The following NAV2 variants were observed in gnomAD, a reference collection of about 807,000 sequenced individuals.
NAV2 encodes helicase, APC down-regulated 1.
NAV2 carries 54 observed loss-of-function variants against 223.2 expected under a neutral mutation model. That is an observed-to-expected ratio of 0.24 (90% CI 0.19 to 0.30). The LOEUF is 0.30. Ranked by LOEUF, NAV2 falls within the 10% of genes least tolerant of loss-of-function variation. NAV2 has a pLI of 1.00. For missense variants in NAV2, 2,806 were observed against 3,147.5 expected, an observed-to-expected ratio of 0.89 and a Z score of 2.60; for synonymous variants, 1,279 against 1,239.3, an observed-to-expected ratio of 1.03 and a Z score of -0.67.
intron 1 of NAV2, among the ~76,000 whole-genome samples, chr11:19,457,793 G>T (rs977267771): frequency 6.6e-6 from 1 of 152,148 alleles, no homozygotes; most frequent in African/African-American, 2.4e-5. Flanking sequence ...GGGCAGAGGG[G>T]AGAACAGAGA....
At position 19,528,769 on chromosome 11, in the gene NAV2, A is replaced by C. The variant is rs1374556281; in HGVS notation, c.75+177742A>C. The stretch of plus-strand genomic sequence containing the variant: ...ATATGGTGAAACCCTGTCTCTACTA[A>C]AAATACAGAAATTAGCCTGGTGTGA... On this transcript the variant is annotated intron_variant, in intron 1 of 37. Coordinates refer to the NAV2 transcript ENST00000360655. Among the ~76,000 whole-genome samples, 3 of 152,054 alleles carry C rather than the reference A, an allele frequency of 2.0e-5. No homozygotes were observed. The East Asian group carries it at 5.8e-4, about 29-fold the overall frequency.
At chr11:19,911,764 GAA>G (rs2043336255) in intron 6 of NAV2, among the ~76,000 whole-genome samples, 2 of 152,150 alleles carry the variant, frequency 1.3e-5, no homozygotes, top group Admixed American at 1.3e-4. Context: ...AGCAAAGGCG[GAA>G]AGACTCCAAA....
chr11:19,934,627 C>T (rs1261685045), intron 7 of NAV2, among the ~76,000 whole-genome samples: 5 of 152,018 alleles, frequency 3.3e-5, no homozygotes, highest in Admixed American at 1.3e-4. Context: ...TGGTGTCACC[C>T]GACAGTCCCC....
chr11:19,487,175 G>C (rs1487187), intron 1 of NAV2, among the ~76,000 whole-genome samples: 49,595 of 152,132 alleles, frequency 0.33, 8,768 homozygotes, highest in South Asian at 0.4. Flanking sequence ...GAAGCAGAGA[G>C]AGGATGCAGC....
At chr11:19,885,863 C>G (rs979852382) in intron 5 of NAV2, among the ~76,000 whole-genome samples, 1 of 152,120 alleles carries the variant, frequency 6.6e-6, no homozygotes, top group Non-Finnish European at 1.5e-5. Context: ...CACTTGCTAC[C>G]CCAGTGTGTT....
intron 8 of NAV2, among the ~76,000 whole-genome samples, chr11:19,943,659 T>A (rs955733577): frequency 6.6e-6 from 1 of 152,204 alleles, no homozygotes; most frequent in Non-Finnish European, 1.5e-5. Context: ...TGGTGTCTGA[T>A]GTCAATTCTA....
intron 1 of NAV2, among the ~76,000 whole-genome samples, chr11:19,457,173 AG>A (rs1483343479): frequency 2.0e-5 from 3 of 152,230 alleles, no homozygotes; most frequent in African/African-American, 7.2e-5. Flanking sequence ...GAAAAACAAT[AG>A]CAAAATTTAA....
At chr11:19,555,561 T>C (rs1005886236) in intron 1 of NAV2, among the ~76,000 whole-genome samples, 10 of 152,204 alleles carry the variant, frequency 6.6e-5, no homozygotes, top group Admixed American at 4.6e-4. Flanking sequence ...GGAGGCCTTA[T>C]TGAAGGTCAA....
intron 1 of NAV2, among the ~76,000 whole-genome samples, chr11:19,723,045 T>G (rs1834319): frequency 0.58 from 87,629 of 152,122 alleles, 27,122 homozygotes; most frequent in African/African-American, 0.82. Flanking sequence ...GAGAGGGAGA[T>G]AACACCATGG....
intron 1 of NAV2, among the ~76,000 whole-genome samples, chr11:19,686,654 G>A (rs2049033164): frequency 6.6e-6 from 1 of 152,202 alleles, no homozygotes; most frequent in Non-Finnish European, 1.5e-5. Context: ...GCCCAGGTGG[G>A]GAGGACCCCC....
chr11:19,645,199 C>G (rs899570980), intron 1 of NAV2, among the ~76,000 whole-genome samples: 2 of 152,084 alleles, frequency 1.3e-5, no homozygotes, highest in African/African-American at 4.8e-5. Flanking sequence ...GAGGCTGGTC[C>G]TATTCCTCAG....
At chr11:19,642,717 G>A (rs2047699639) in intron 1 of NAV2, among the ~76,000 whole-genome samples, 1 of 152,144 alleles carries the variant, frequency 6.6e-6, no homozygotes, top group African/African-American at 2.4e-5. Context: ...AGCCAAGCAG[G>A]AGGGGGGCTG....
chr11:20,114,576 C>G lies in NAV2; in HGVS notation c.6961-16C>G. 3.7e-6 allele frequency: 6 copies of G among 1,613,450 alleles called. No homozygotes were observed. Among genetic ancestry groups the G allele is most frequent in the Non-Finnish European group, 5.1e-6 (6 of 1,179,682 alleles). ...CTGGGCCACTTCCAGACTGTTCCTT[C>G]TTTGCCTGTTTTCAGCTCTATGGAA... On this transcript the variant is annotated splice_polypyrimidine_tract_variant and intron_variant, in intron 36 of 37. Coordinates refer to ENST00000349880, the MANE Select transcript of NAV2 (RefSeq NM_145117.5).
chr11:19,541,625 T>A (rs937023146), intron 1 of NAV2, among the ~76,000 whole-genome samples: 5 of 152,158 alleles, frequency 3.3e-5, no homozygotes, highest in African/African-American at 1.2e-4. Context: ...GCCCCTTATC[T>A]TTTTGACCCA....
At chr11:19,543,125 A>G (rs1304564547) in intron 1 of NAV2, among the ~76,000 whole-genome samples, 1 of 152,234 alleles carries the variant, frequency 6.6e-6, no homozygotes, top group Non-Finnish European at 1.5e-5. Context: ...AAAAAGCAAT[A>G]TAAATTTGAA....
chr11:19,400,627 C>T (rs978709996), intron 1 of NAV2, among the ~76,000 whole-genome samples: 1 of 152,166 alleles, frequency 6.6e-6, no homozygotes, highest in African/African-American at 2.4e-5. Flanking sequence ...TGACTCTTAA[C>T]TCGCATGTCA....
rs145341773 is a variant in NAV2 at position 19,815,614 on chromosome 11, C to G, written c.268-16870C>G. Among the ~76,000 whole-genome samples, 730 of 152,322 alleles carry G rather than the reference C, an allele frequency of 4.8e-3. 12 individuals are homozygous for G. Among genetic ancestry groups the G allele is most frequent in the African/African-American group, 0.017 (691 of 41,574 alleles). On this transcript the variant is annotated intron_variant, in intron 1 of 37. Transcript: ENST00000349880. The stretch of plus-strand genomic sequence containing the variant: ...TTCCAGTTCCATCCTAGAACTTCTT[C>G]TTCATCGTGGTCATCTGAATGACCT...
At chr11:19,938,641 G>A (rs1037476456) in intron 7 of NAV2, among the ~76,000 whole-genome samples, 1 of 152,212 alleles carries the variant, frequency 6.6e-6, no homozygotes, top group Non-Finnish European at 1.5e-5. Context: ...TAACCTCTAG[G>A]TGTGAGGTAC....
chr11:19,346,557 T>C (rs1433420796), upstream of NAV2, among the ~76,000 whole-genome samples: 18 of 152,230 alleles, frequency 1.2e-4, no homozygotes, highest in Non-Finnish European at 1.5e-5. Flanking sequence ...GCGGCGGCGG[T>C]GGCAGCCCGC....
Sources: allele counts gnomAD v4.1 joint callset (sites outside exome capture counted in the v4.1 genomes callset), GRCh38; gene constraint gnomAD v4.1.1; transcripts MANE v1.5; gene names NCBI Gene and HGNC (gene_info 2026-07-23, HGNC 2026-07-21).